BTBD8: variants seen among roughly 807,000 people sequenced by gnomAD.
The protein encoded by BTBD8 is BTB/POZ domain-containing protein 8.
In BTBD8, 110 loss-of-function variants were observed where a neutral mutation model predicts 162.9. The ratio of observed to expected loss-of-function variants is 0.68; its 90% CI spans 0.58 to 0.79. The LOEUF is 0.79. Among genes scored for constraint, BTBD8 ranks in the 30% least tolerant of loss-of-function variants. BTBD8 has a pLI of 0.00. For synonymous variants in BTBD8, 667 were observed against 716.1 expected (o/e 0.93, Z 1.10); for missense variants, 1,905 against 2,085.4 (o/e 0.91, Z 1.68).
Position 92,181,660 on chromosome 1 carries a change from A to G in BTBD8, c.3977A>G (p.Gln1326Arg), listed in dbSNP as rs1650911368. The part of the protein sequence containing the change: ...NLRIEVKMKK[Q>R]SNNDLFQVNS... ...AGAATTGAAGTAAAAATGAAAAAGC[A>G]AAGTAATAATGATCTTTTCCAAGTT... is the stretch of plus-strand genomic sequence containing the variant. The change falls in exon 17 of 18, where the codon CAA becomes CGA. Residue 1326 changes from glutamine to arginine, a missense_variant. Physicochemically the swap from Gln to Arg is conservative, Grantham distance 43. Transcript: ENST00000636805. 2 of 1,550,682 alleles carry G rather than the reference A, an allele frequency of 1.3e-6. No individual in the cohort carries two copies. The highest frequency in any genetic ancestry group is 8.7e-7 in the Non-Finnish European group (1 of 1,146,464).
chr1:92,085,127 A>G (rs1254064454), intron 1 of BTBD8, among the ~76,000 whole-genome samples: 3 of 152,220 alleles, frequency 2.0e-5, no homozygotes, highest in African/African-American at 4.8e-5. Context: ...CTACTATACT[A>G]TAAACTCCCT....
At chr1:92,125,445 C>CTCA (rs1649330519) in intron 4 of BTBD8, 1 of 301,674 alleles carries the variant, frequency 3.3e-6, no homozygotes. Flanking sequence ...GGACTAATGG[C>CTCA]ATTCCTCAGG....
intron 4 of BTBD8, among the ~76,000 whole-genome samples, 159 bp downstream of exon 4, chr1:92,108,160 A>C (rs1225771395): frequency 6.6e-6 from 1 of 152,158 alleles, no homozygotes; most frequent in Non-Finnish European, 1.5e-5. Context: ...CCTCAGGGGG[A>C]GTCCAACAGG....
chr1:92,179,103 A>G (rs1486723179), intron 16 of BTBD8, among the ~76,000 whole-genome samples: 1 of 152,032 alleles, frequency 6.6e-6, no homozygotes, highest in African/African-American at 2.4e-5. Flanking sequence ...AAAATTAGCC[A>G]GGTGTGGTGG....
chr1:92,161,228 C>T (rs908608162), intron 9 of BTBD8, among the ~76,000 whole-genome samples: 4 of 152,182 alleles, frequency 2.6e-5, no homozygotes, highest in Non-Finnish European at 5.9e-5. Flanking sequence ...TTAGGGCTTC[C>T]TATTCTGCCA....
At chr1:92,143,667 T>A (rs1649829876) in intron 7 of BTBD8, among the ~76,000 whole-genome samples, 1 of 151,782 alleles carries the variant, frequency 6.6e-6, no homozygotes, top group Admixed American at 6.6e-5. Flanking sequence ...CGTGCCACCA[T>A]GCCCAGCTAA....
intron 1 of BTBD8, among the ~76,000 whole-genome samples, chr1:92,083,289 T>C (rs1049776689): frequency 2.0e-5 from 3 of 152,224 alleles, no homozygotes; most frequent in Admixed American, 1.3e-4. Flanking sequence ...GTTAACTTTG[T>C]ACCTTCATCT....
intron 9 of BTBD8, among the ~76,000 whole-genome samples, chr1:92,149,015 C>T (rs142770296): frequency 1.3e-5 from 2 of 152,234 alleles, no homozygotes; most frequent in East Asian, 3.9e-4. Flanking sequence ...TTGGGCTACC[C>T]TTCCAGATAA....
chr1:92,091,471 ATG>A (rs931790781), intron 2 of BTBD8, among the ~76,000 whole-genome samples: 1 of 151,140 alleles, frequency 6.6e-6, no homozygotes, highest in South Asian at 2.1e-4. Context: ...GTGTATGTGT[ATG>A]TGTGTGTGTA....
chr1:92,147,054 T>C, intron 7 of BTBD8, 126 bp from the exon 8 acceptor site: 2 of 544,058 alleles, frequency 3.7e-6, no homozygotes, highest in Non-Finnish European at 6.1e-6. Context: ...ATTTTGAATT[T>C]ATCAAATTTT....
intron 16 of BTBD8, 124 bp from the exon 17 acceptor site, chr1:92,180,141 G>A (rs1650839781): frequency 1.5e-6 from 1 of 681,282 alleles, no homozygotes; most frequent in African/African-American, 1.8e-5. Context: ...TCATAGATAT[G>A]TTACCCTTCC....
At chr1:92,146,851 A>G (rs1041900602) in intron 7 of BTBD8, among the ~76,000 whole-genome samples, 6 of 152,038 alleles carry the variant, frequency 3.9e-5, no homozygotes, top group African/African-American at 1.4e-4. Flanking sequence ...TTATCCATTC[A>G]TCTAGTAAAG....
chr1:92,119,991 C>G (rs1420401378), intron 4 of BTBD8, among the ~76,000 whole-genome samples: 2 of 144,054 alleles, frequency 1.4e-5, no homozygotes, highest in Non-Finnish European at 3.0e-5. Context: ...ACCTCTACCT[C>G]CTGGGTTCAA....
intron 2 of BTBD8, among the ~76,000 whole-genome samples, chr1:92,094,552 A>G (rs1034740111): frequency 6.6e-6 from 1 of 152,192 alleles, no homozygotes; most frequent in Non-Finnish European, 1.5e-5. Flanking sequence ...TTATGTTACT[A>G]CTTATTGTAG....
chr1:92,153,862 A>G (rs934187451), intron 9 of BTBD8, among the ~76,000 whole-genome samples: 1 of 152,110 alleles, frequency 6.6e-6, no homozygotes, highest in Non-Finnish European at 1.5e-5. Context: ...GTTCTTTTGA[A>G]TGAATGCTGA....
In BTBD8 at chr1:92,182,025, C is replaced by T. The variant is rs763078230; in HGVS notation, c.4342C>T (p.Leu1448=). 4 of 1,551,222 alleles carry T rather than the reference C, an allele frequency of 2.6e-6. No individual in the cohort carries two copies. The African/African-American group carries it at 5.5e-5, about 21-fold the overall frequency. Residue 1448 remains leucine (L), a synonymous_variant, in exon 17 of 18, where the codon CTG becomes TTG. Coordinates refer to ENST00000636805, the MANE Select transcript of BTBD8 (RefSeq NM_001376131.1). ...ACTTTCAGTCGATGAATGTGAAGAG[C>T]TGGGATCAGATGAAGGAGAAGTCCA... ...VLLSVDECEE[L]GSDEGEVHTP...
Position 92,181,944 on chromosome 1 carries a change from A to T in BTBD8, c.4261A>T (p.Thr1421Ser), listed in dbSNP as rs1264461169. ...AATTAATTTAGCTTTTGAAGATGCA[A>T]CTGAAAATGAATGTCGTGAATTTTC... is the stretch of plus-strand genomic sequence containing the variant. ...GIINLAFEDA[T>S]ENECREFSAT... Residue 1421 changes from threonine to serine, a missense_variant, in exon 17 of 18, where the codon ACT becomes TCT. This residue lies in a region of BTBD8 where 517 missense variants were observed against 606.6 expected (regional missense o/e 0.85). Transcript: ENST00000636805. The T allele has an allele frequency of 9.7e-6, 15 of 1,551,702 alleles. No homozygotes were observed. Among genetic ancestry groups the T allele is most frequent in the Non-Finnish European group, 1.3e-5 (15 of 1,146,952 alleles).
chr1:92,121,837 T>G (rs905984591), intron 4 of BTBD8, among the ~76,000 whole-genome samples: 1 of 151,092 alleles, frequency 6.6e-6, no homozygotes, highest in African/African-American at 2.5e-5. Flanking sequence ...CCATTTATTT[T>G]TTTATTTTTT....
chr1:92,148,289 A>G (rs536215532), intron 9 of BTBD8, among the ~76,000 whole-genome samples: 29 of 152,316 alleles, frequency 1.9e-4, no homozygotes, highest in African/African-American at 6.3e-4. Flanking sequence ...CGAAACCACC[A>G]TCCATGAACT....
Sources: gnomAD v4.1 joint callset for allele counts (sites outside exome capture counted in the v4.1 genomes callset) on GRCh38, gnomAD v4.1.1 for gene constraint, gnomAD v4.1.1 regional missense constraint, MANE v1.5 for transcripts, NCBI Gene and HGNC (gene_info 2026-07-23, HGNC 2026-07-21) for gene names.